The following CACNA2D3 variants were observed in gnomAD, a reference collection of about 807,000 sequenced individuals.
The protein encoded by CACNA2D3 is calcium voltage-gated channel auxiliary subunit alpha2delta 3, also known as voltage-dependent calcium channel subunit alpha-2/delta-3.
In CACNA2D3, 60 loss-of-function variants were observed where a neutral mutation model predicts 160.6. That is an observed-to-expected ratio of 0.37 (90% CI 0.30 to 0.46). The LOEUF is 0.46. Ranked by LOEUF, CACNA2D3 falls within the 20% of genes least tolerant of loss-of-function variation. The pLI, the probability that CACNA2D3 is intolerant of heterozygous loss-of-function variation, is 1.00. For synonymous variants in CACNA2D3, 558 were observed against 492.9 expected (o/e 1.13, Z -1.75); for missense variants, 1,205 against 1,365.0 (o/e 0.88, Z 1.85).
At chr3:54,917,375 C>G (rs945047055) in intron 27 of CACNA2D3, among the ~76,000 whole-genome samples, 1 of 152,216 alleles carries the variant, frequency 6.6e-6, no homozygotes, top group Non-Finnish European at 1.5e-5. Context: ...TAGCTGCCGC[C>G]ACCTATCTTG....
At chr3:54,500,894 T>C (rs1411852661) in intron 4 of CACNA2D3, among the ~76,000 whole-genome samples, 1 of 152,228 alleles carries the variant, frequency 6.6e-6, no homozygotes, top group African/African-American at 2.4e-5. Context: ...TTCTTCTTAA[T>C]TTATAAAGAA....
intron 2 of CACNA2D3, among the ~76,000 whole-genome samples, chr3:54,279,641 T>C (rs1446840125): frequency 6.6e-6 from 1 of 152,220 alleles, no homozygotes; most frequent in Non-Finnish European, 1.5e-5. Flanking sequence ...GAGCAGTATG[T>C]AGTGCCAGCA....
intron 5 of CACNA2D3, among the ~76,000 whole-genome samples, chr3:54,519,691 A>G (rs986744841): frequency 8.5e-5 from 13 of 152,234 alleles, no homozygotes; most frequent in Admixed American, 2.6e-4. Context: ...CTTATCTCCC[A>G]TTCCAGGCCT....
chr3:54,458,293 G>A (rs1700435661), intron 4 of CACNA2D3, among the ~76,000 whole-genome samples: 1 of 151,944 alleles, frequency 6.6e-6, no homozygotes, highest in Non-Finnish European at 1.5e-5. Flanking sequence ...CATTATGATA[G>A]TTATTGACAT....
At chr3:54,728,858 A>G (rs1395714709) in intron 11 of CACNA2D3, among the ~76,000 whole-genome samples, 1 of 152,140 alleles carries the variant, frequency 6.6e-6, no homozygotes, top group Admixed American at 6.5e-5. Flanking sequence ...ATTTCCCACC[A>G]TTTTATGATG....
At chr3:54,378,301 C>T (rs973187773) in intron 3 of CACNA2D3, among the ~76,000 whole-genome samples, 3 of 152,164 alleles carry the variant, frequency 2.0e-5, no homozygotes, top group Admixed American at 6.5e-5. Flanking sequence ...GAGCGTGCAG[C>T]CTGGATCCCT....
intron 2 of CACNA2D3, among the ~76,000 whole-genome samples, chr3:54,150,961 A>G (rs930890383): frequency 6.6e-6 from 1 of 151,608 alleles, no homozygotes; most frequent in Non-Finnish European, 1.5e-5. Context: ...GTAGGGTTGG[A>G]TAATGGATGG....
intron 5 of CACNA2D3, among the ~76,000 whole-genome samples, chr3:54,522,708 G>A (rs1325815334): frequency 6.6e-6 from 1 of 152,116 alleles, no homozygotes; most frequent in Non-Finnish European, 1.5e-5. Flanking sequence ...GTGAGAAAGG[G>A]AGAAAGCCAA....
intron 3 of CACNA2D3, among the ~76,000 whole-genome samples, chr3:54,362,088 T>A (rs1698753073): frequency 6.6e-6 from 1 of 152,220 alleles, no homozygotes; most frequent in Admixed American, 6.5e-5. Context: ...GCACCCACCA[T>A]AACAAATCAC....
At chr3:54,642,959 G>A (rs1192697941) in intron 11 of CACNA2D3, among the ~76,000 whole-genome samples, 1 of 152,042 alleles carries the variant, frequency 6.6e-6, no homozygotes, top group African/African-American at 2.4e-5. Flanking sequence ...AGTAATCCAT[G>A]TTTTTAACAA....
chr3:54,553,802 A>G (rs1446466643), intron 5 of CACNA2D3, among the ~76,000 whole-genome samples: 2 of 152,212 alleles, frequency 1.3e-5, no homozygotes, highest in Admixed American at 6.5e-5. Context: ...CTCAAGCACT[A>G]AGGCATCCAT....
At chr3:54,908,214 ACTGT>A (rs771042896) in intron 27 of CACNA2D3, among the ~76,000 whole-genome samples, 20 of 151,098 alleles carry the variant, frequency 1.3e-4, no homozygotes, top group Non-Finnish European at 2.5e-4. Context: ...CCTTTCTAAT[ACTGT>A]CTGTCTTTTT....
At chr3:54,731,063 A>T (rs1443215636) in intron 11 of CACNA2D3, among the ~76,000 whole-genome samples, 2 of 152,182 alleles carry the variant, frequency 1.3e-5, no homozygotes, top group Non-Finnish European at 2.9e-5. Context: ...TACCCTAAAA[A>T]AGTCAACTTG....
chr3:54,532,151 T>C (rs1701816084), intron 5 of CACNA2D3, among the ~76,000 whole-genome samples: 1 of 152,202 alleles, frequency 6.6e-6, no homozygotes, highest in South Asian at 2.1e-4. Flanking sequence ...GATCCAATTG[T>C]TACTGTGTCT....
intron 31 of CACNA2D3, among the ~76,000 whole-genome samples, chr3:54,998,197 C>T (rs909394503): frequency 1.4e-4 from 20 of 146,876 alleles, no homozygotes; most frequent in Non-Finnish European, 2.4e-4. Context: ...TGCGGTGGCA[C>T]AAATCTCAGT....
At chr3:54,587,163 C>T (rs898251392) in intron 9 of CACNA2D3, among the ~76,000 whole-genome samples, 2 of 151,806 alleles carry the variant, frequency 1.3e-5, no homozygotes, top group Admixed American at 6.6e-5. Context: ...GAGCCAAACT[C>T]AACTAAATTG....
chr3:54,641,383 C>G (rs1226261652), intron 10 of CACNA2D3, among the ~76,000 whole-genome samples: 1 of 152,084 alleles, frequency 6.6e-6, no homozygotes, highest in East Asian at 1.9e-4. Flanking sequence ...GAAAGAAATC[C>G]TTGAGTTAAG....
intron 25 of CACNA2D3, among the ~76,000 whole-genome samples, chr3:54,892,976 C>CTGTGAAG (rs1447891297): frequency 2.0e-5 from 3 of 151,810 alleles, no homozygotes; most frequent in African/African-American, 7.3e-5. Flanking sequence ...CTGTGAAGAT[C>CTGTGAAG]AAAAAAAATT....
At chr3:54,577,028 G>A (rs4955860) in intron 8 of CACNA2D3, among the ~76,000 whole-genome samples, 51,879 of 151,844 alleles carry the variant, frequency 0.34, 9,773 homozygotes, top group Middle Eastern at 0.43. Context: ...TACGTGAGTG[G>A]GACCCGCGTT....
Sources: allele counts gnomAD v4.1 joint callset (sites outside exome capture counted in the v4.1 genomes callset), GRCh38; gene constraint gnomAD v4.1.1; transcripts MANE v1.5; gene names NCBI Gene and HGNC (gene_info 2026-07-23, HGNC 2026-07-21).